Variants in GPLD1 observed in about 807,000 individuals in gnomAD.
GPLD1 encodes glycosylphosphatidylinositol specific phospholipase D1.
A neutral mutation model predicts 112.6 loss-of-function variants in GPLD1; 84 were observed. The observed-to-expected ratio is 0.75, with a 90% confidence interval of 0.63 to 0.89. The LOEUF (loss-of-function observed/expected upper bound fraction) is 0.89, where lower values mean the gene tolerates loss of function less well. Among genes scored for constraint, GPLD1 ranks in the 40% least tolerant of loss-of-function variants. GPLD1 has a pLI of 0.00. For missense variants in GPLD1, 1,044 were observed against 1,051.5 expected (o/e 0.99, Z 0.10); for synonymous variants, 386 against 403.8 (o/e 0.96, Z 0.53).
chr6:24,487,138 A>G (rs1368315529), intron 1 of GPLD1, among the ~76,000 whole-genome samples: 6 of 138,548 alleles, frequency 4.3e-5, no homozygotes, highest in Non-Finnish European at 7.8e-5. Flanking sequence ...CACTACTATA[A>G]GCATTAATAT....
At position 24,429,146 on chromosome 6, in the gene GPLD1, G is replaced by A. The variant is rs772834224; in HGVS notation, c.2437-28C>T. The A allele has an allele frequency of 4.8e-6, 7 of 1,444,742 alleles. No individual in the cohort carries two copies. The South Asian group carries it at 8.1e-5, about 17-fold the overall frequency. 89.5% of individuals were successfully genotyped at this position (1,444,742 alleles called of 1,614,324 possible). A position where few individuals can be genotyped will look rare whatever the true frequency, so the allele number is the denominator to read the frequency against. On this transcript the variant is annotated intron_variant, in intron 24 of 24. Transcript: ENST00000230036. ...GTAAGGGACACAAGACAGAATTCATGGCTCATTCATAACATCTATTGAGTT... is the reference window on the plus strand; with the variant it reads ...GTAAGGGACACAAGACAGAATTCATAGCTCATTCATAACATCTATTGAGTT...
At chr6:24,465,798 C>A (rs572567064) in intron 10 of GPLD1, among the ~76,000 whole-genome samples, 2 of 152,316 alleles carry the variant, frequency 1.3e-5, no homozygotes, top group East Asian at 1.9e-4. Context: ...CCCATCTGGG[C>A]TAGATGTCAA....
At chr6:24,440,078 G>A (rs1254168102) in intron 20 of GPLD1, among the ~76,000 whole-genome samples, 1 of 150,378 alleles carries the variant, frequency 6.6e-6, no homozygotes, top group Non-Finnish European at 1.5e-5. Context: ...TGAAACACAG[G>A]TGCATCTCAC....
chr6:24,472,551 T>C (rs778757017), intron 7 of GPLD1, 31 bp downstream of exon 7: 4 of 1,325,856 alleles, frequency 3.0e-6, no homozygotes, highest in South Asian at 1.2e-5. Context: ...GCCACTTAGA[T>C]ACCACATATT....
chr6:24,429,023 G>A lies in GPLD1; in HGVS notation c.*9C>T, dbSNP rs114756469. ...GAGGTGGGCAGAGTGGGGAAATGCA[G>A]TGAAATCTTCAATCTGAGCCAAGGC... On this transcript the variant is annotated 3_prime_UTR_variant, in exon 25 of 25. Transcript: ENST00000230036. The A allele has an allele frequency of 0.018, 28,927 of 1,592,686 alleles. 346 individuals carry two copies. Among genetic ancestry groups the A allele is most frequent in the Middle Eastern group, 0.03 (181 of 6,016 alleles).
intron 11 of GPLD1, 52 bp from the exon 12 acceptor site, chr6:24,460,451 T>G (rs2793434): frequency 8.2e-6 from 13 of 1,589,510 alleles, no homozygotes; most frequent in East Asian, 2.2e-5. Flanking sequence ...AACAACCCCC[T>G]GTAAAACTGA....
chr6:24,435,212 A>C (rs946199462), intron 22 of GPLD1, among the ~76,000 whole-genome samples: 15 of 148,532 alleles, frequency 1.0e-4, no homozygotes, highest in South Asian at 2.1e-4. Context: ...AGGGTTTCAC[A>C]GTGTTAGCCA....
upstream of GPLD1, among the ~76,000 whole-genome samples, chr6:24,494,555 A>G (rs551435191): frequency 6.6e-6 from 1 of 152,200 alleles, no homozygotes; most frequent in Admixed American, 6.5e-5. Context: ...GCACCAGCGC[A>G]TCTATGGACC....
intron 14 of GPLD1, among the ~76,000 whole-genome samples, chr6:24,452,773 C>CAAAA (rs57715891): frequency 3.7e-4 from 51 of 136,498 alleles, no homozygotes; most frequent in Non-Finnish European, 4.8e-4. Flanking sequence ...GAGTTTATCT[C>CAAAA]AAAAAAAAAA....
intron 22 of GPLD1, chr6:24,433,654 G>A (rs773166571): frequency 4.0e-4 from 132 of 332,570 alleles, no homozygotes; most frequent in Non-Finnish European, 2.3e-4. Flanking sequence ...CACCACGCCC[G>A]GTTAATTTTT....
intron 6 of GPLD1, 32 bp downstream of exon 6, chr6:24,473,587 G>A (rs777691248): frequency 1.7e-5 from 24 of 1,435,912 alleles, no homozygotes; most frequent in African/African-American, 8.4e-5. Flanking sequence ...ACTATACCAC[G>A]AGAAAATTTA....
In GPLD1 at chr6:24,480,181, AAC is replaced by A. The variant is rs576244400; in HGVS notation, c.154-224_154-223del. Among the ~76,000 whole-genome samples, 26 of 152,336 alleles carry A rather than the reference AAC, an allele frequency of 1.7e-4. 1 individual carries two copies. The South Asian group carries it at 4.6e-3, about 27-fold the overall frequency. ...TATAACTTCAGATTCTTCCCTACCA[AAC>A]ACAGAGAGGCTAATTTAGAAACAGC... On this transcript the variant is annotated intron_variant, in intron 2 of 24. Transcript: ENST00000230036.
chr6:24,452,067 A>C (rs1763108806), intron 14 of GPLD1, among the ~76,000 whole-genome samples: 1 of 152,244 alleles, frequency 6.6e-6, no homozygotes, highest in Admixed American at 6.5e-5. Context: ...GCCTGAGGGC[A>C]GGATTTCCAT....
Position 24,466,914 on chromosome 6 carries a change from T to C in GPLD1, c.679A>G (p.Lys227Glu). 3 of 1,611,070 alleles carry C rather than the reference T, an allele frequency of 1.9e-6. No homozygotes were observed. The highest frequency in any genetic ancestry group is 1.7e-6 in the Non-Finnish European group (2 of 1,177,214). The change falls in exon 9 of 25, where the codon AAG (lysine) becomes GAG (glutamate). Residue 227 changes from lysine (K) to glutamate (E), a missense_variant and splice_region_variant. By Grantham distance (56) the Lys-to-Glu change is moderately conservative. Coordinates refer to ENST00000230036, the MANE Select transcript of GPLD1 (RefSeq NM_001503.4). ...ATTTGGAAGAATGACGCCTTTACCT[T>C]GGAAACAGCTAGCATCTCACCATAC... ...EMYGEMLAVSKLYPTYSTKSP... is the reference protein window; with the variant it reads ...EMYGEMLAVSELYPTYSTKSP...
exon 1 of GPLD1, chr6:24,495,115 G>A: frequency 2.3e-6 from 3 of 1,331,392 alleles, no homozygotes; most frequent in South Asian, 2.1e-5. Flanking sequence ...CCTGCGCCCG[G>A]CCCGGCCCAG....
intron 14 of GPLD1, among the ~76,000 whole-genome samples, chr6:24,453,699 C>CGTGTGTGT (rs59607870): frequency 0.14 from 20,306 of 150,398 alleles, 1,385 homozygotes; most frequent in East Asian, 0.19. Flanking sequence ...ACATACATTT[C>CGTGTGTGT]GTGTGTGTGT....
intron 22 of GPLD1, among the ~76,000 whole-genome samples, chr6:24,434,691 A>T (rs1762513037): frequency 6.6e-6 from 1 of 151,930 alleles, no homozygotes; most frequent in African/African-American, 2.4e-5. Flanking sequence ...CAAAAAAATT[A>T]GCCAGGCGTG....
intron 20 of GPLD1, among the ~76,000 whole-genome samples, chr6:24,438,190 G>A (rs1002590287): frequency 6.6e-6 from 1 of 152,148 alleles, no homozygotes; most frequent in Non-Finnish European, 1.5e-5. Context: ...CACAAGAAAT[G>A]CGGTCACGTC....
chr6:24,481,514 T>A (rs1197437671), intron 2 of GPLD1, among the ~76,000 whole-genome samples: 1 of 151,928 alleles, frequency 6.6e-6, no homozygotes, highest in African/African-American at 2.4e-5. Flanking sequence ...AGAATCACCC[T>A]CTCCCGAGGA....
Sources: allele counts gnomAD v4.1 joint callset (sites outside exome capture counted in the v4.1 genomes callset), GRCh38; gene constraint gnomAD v4.1.1; transcripts MANE v1.5; gene names NCBI Gene and HGNC (gene_info 2026-07-23, HGNC 2026-07-21).